Variants in SLC11A2 observed in about 807,000 individuals in gnomAD.
The protein encoded by SLC11A2 is natural resistance-associated macrophage protein 2.
SLC11A2 carries 38 observed loss-of-function variants against 68.0 expected under a neutral mutation model. That is an observed-to-expected ratio of 0.56 (90% CI 0.43 to 0.73). SLC11A2 has a LOEUF of 0.73. SLC11A2 is among the 30% of genes least tolerant of loss of function. SLC11A2 has a pLI of 0.00. For synonymous variants in SLC11A2, 242 were observed against 250.6 expected (o/e 0.97, Z 0.32); for missense variants, 517 against 690.5 (o/e 0.75, Z 2.82).
chr12:51,027,175 TAA>T (rs35801453), upstream of SLC11A2, among the ~76,000 whole-genome samples: 522 of 141,650 alleles, frequency 3.7e-3, no homozygotes, highest in Admixed American at 3.6e-3. Context: ...AAACTCCGTC[TAA>T]AAAAAAAAAA....
chr12:50,957,148 TAG>T, the SLC11A2 span, among the ~76,000 whole-genome samples: 1 of 152,108 alleles, frequency 6.6e-6, no homozygotes, highest in African/African-American at 2.4e-5. Context: ...TACCCACCCA[TAG>T]ACACACATAT....
intron 9 of SLC11A2, among the ~76,000 whole-genome samples, chr12:50,996,163 A>G (rs1034762520): frequency 6.6e-6 from 1 of 152,208 alleles, no homozygotes; most frequent in Admixed American, 6.5e-5. Flanking sequence ...GCAAACTATT[A>G]CATAATACTG....
chr12:50,972,019 GA>G, the SLC11A2 span, among the ~76,000 whole-genome samples: 1 of 152,134 alleles, frequency 6.6e-6, no homozygotes, highest in African/African-American at 2.4e-5. Flanking sequence ...GTCCTCTTTG[GA>G]AAATAGGCAA....
chr12:50,968,350 C>T, the SLC11A2 span, among the ~76,000 whole-genome samples: 3 of 152,100 alleles, frequency 2.0e-5, no homozygotes, highest in South Asian at 2.1e-4. Context: ...TGCCTCCCAA[C>T]TTACCGTAAT....
the SLC11A2 span, among the ~76,000 whole-genome samples, chr12:50,955,825 AAATT>A: frequency 9.2e-5 from 14 of 152,362 alleles, no homozygotes; most frequent in African/African-American, 3.4e-4. Flanking sequence ...TAATGAACAG[AAATT>A]AATTAATAAA....
At chr12:50,968,908 G>A in the SLC11A2 span, among the ~76,000 whole-genome samples, 1 of 147,398 alleles carries the variant, frequency 6.8e-6, no homozygotes, top group African/African-American at 2.5e-5. Flanking sequence ...CTAACTCCTG[G>A]CCTCAAGTGA....
At chr12:50,979,757 C>T (rs886957417), downstream of SLC11A2, 5 of 430,208 alleles carry the variant, frequency 1.2e-5, no homozygotes, top group African/African-American at 6.1e-5. Flanking sequence ...CTTTAAGGGC[C>T]GATTATAAAC....
At chr12:50,953,271 C>T in the SLC11A2 span, among the ~76,000 whole-genome samples, 2 of 152,238 alleles carry the variant, frequency 1.3e-5, no homozygotes, top group African/African-American at 4.8e-5. Flanking sequence ...TATTGTGCTT[C>T]TTACGCTTAA....
At chr12:51,024,912 C>T (rs1944280192) in intron 1 of SLC11A2, 1 of 152,170 alleles carries the variant, frequency 6.6e-6, no homozygotes, top group Non-Finnish European at 1.5e-5. Context: ...AAGTATGCTG[C>T]AATCATGGCC....
chr12:50,971,222 G>A, the SLC11A2 span, among the ~76,000 whole-genome samples: 1 of 151,988 alleles, frequency 6.6e-6, no homozygotes, highest in Non-Finnish European at 1.5e-5. Context: ...CCCTATCCAT[G>A]TCTTAATTCT....
intron 1 of SLC11A2, among the ~76,000 whole-genome samples, chr12:51,025,065 A>T (rs542780329): frequency 6.6e-6 from 1 of 152,344 alleles, no homozygotes; most frequent in Non-Finnish European, 1.5e-5. Context: ...TAGTATAATG[A>T]TAGTTTCCAA....
intron 1 of SLC11A2, chr12:51,025,693 T>C (rs1201560572): frequency 2.2e-6 from 2 of 928,218 alleles, no homozygotes; most frequent in East Asian, 1.2e-4. Context: ...TATCCCCCTG[T>C]AGAAAAACCC....
intron 1 of SLC11A2, among the ~76,000 whole-genome samples, chr12:51,023,075 C>G (rs1490752787): frequency 6.6e-6 from 1 of 152,122 alleles, no homozygotes; most frequent in Non-Finnish European, 1.5e-5. Flanking sequence ...CCTGATGATG[C>G]CTTGAAGGCT....
At chr12:50,997,237 A>T (rs983421050) in intron 8 of SLC11A2, among the ~76,000 whole-genome samples, 1 of 152,104 alleles carries the variant, frequency 6.6e-6, no homozygotes, top group Non-Finnish European at 1.5e-5. Context: ...ACACCTGGCC[A>T]AAATCTTTTC....
In SLC11A2 at chr12:50,992,932, GT is replaced by G; in HGVS notation, c.1078-4del. ...AAGTAACATCCCAGCACAACACCCT[GT>G]GAGAGGCCAAGAGGAAGGATATGAT... is the stretch of plus-strand genomic sequence containing the variant. On this transcript the variant is annotated splice_region_variant and splice_polypyrimidine_tract_variant and intron_variant, in intron 11 of 15. Coordinates refer to ENST00000262052, the MANE Select transcript of SLC11A2 (RefSeq NM_000617.3). 6.2e-7 allele frequency: 1 copy of G among 1,613,772 alleles called. No individual in the cohort carries two copies. The highest frequency in any genetic ancestry group is 8.5e-7 in the Non-Finnish European group (1 of 1,179,910).
intron 15 of SLC11A2, among the ~76,000 whole-genome samples, chr12:50,990,284 C>T (rs935029424): frequency 6.6e-6 from 1 of 152,094 alleles, no homozygotes; most frequent in Non-Finnish European, 1.5e-5. Flanking sequence ...TGTCCCACCC[C>T]GAATCTCTAA....
intron 1 of SLC11A2, 119 bp from the exon 2 acceptor site, chr12:51,010,885 G>A (rs1406256363): frequency 5.9e-6 from 3 of 504,204 alleles, no homozygotes; most frequent in Non-Finnish European, 7.3e-6. Context: ...TTTTTCTACT[G>A]AATTAGGTAA....
At chr12:51,001,232 G>T (rs1942192643) in intron 5 of SLC11A2, among the ~76,000 whole-genome samples, 1 of 151,642 alleles carries the variant, frequency 6.6e-6, no homozygotes, top group African/African-American at 2.4e-5. Context: ...CAGCACTTTG[G>T]GATGCCAACG....
At chr12:51,015,931 C>CATG (rs887440381) in intron 1 of SLC11A2, among the ~76,000 whole-genome samples, 5 of 151,994 alleles carry the variant, frequency 3.3e-5, no homozygotes, top group Non-Finnish European at 7.4e-5. Flanking sequence ...ATTACAGGCG[C>CATG]ATGCCACCAT....
Sources: allele counts gnomAD v4.1 joint callset (sites outside exome capture counted in the v4.1 genomes callset), GRCh38; gene constraint gnomAD v4.1.1; transcripts MANE v1.5; gene names NCBI Gene and HGNC (gene_info 2026-07-23, HGNC 2026-07-21).